Variants in TP63 observed in about 807,000 individuals in gnomAD.
TP63 encodes the protein tumor protein p63.
Under a neutral mutation model 82.8 loss-of-function variants are expected in TP63, and 17 were observed. The observed-to-expected ratio is 0.21, with a 90% CI of 0.14 to 0.31. TP63 has a LOEUF of 0.31. Among genes scored for constraint, TP63 ranks in the 10% least tolerant of loss-of-function variants. The probability of loss-of-function intolerance (pLI) is 1.00; values close to 1 mark genes in which losing one functional copy is unlikely to be tolerated. For missense variants in TP63, 648 were observed against 895.3 expected, an observed-to-expected ratio of 0.72 and a Z score of 3.52; for synonymous variants, 330 against 321.7, an observed-to-expected ratio of 1.03 and a Z score of -0.28.
intron 10 of TP63, among the ~76,000 whole-genome samples, chr3:189,878,809 C>G (rs1217286345): frequency 1.8e-5 from 2 of 113,082 alleles, no homozygotes; most frequent in East Asian, 4.8e-4. Context: ...GAAGAAAAAC[C>G]ATAGAGACGG....
chr3:189,625,120 C>G, the TP63 span, among the ~76,000 whole-genome samples: 8 of 152,114 alleles, frequency 5.3e-5, no homozygotes, highest in African/African-American at 1.7e-4. Flanking sequence ...TCACATTTGT[C>G]TATGTTACAA....
At chr3:189,884,551 C>T (rs1427156852) in intron 10 of TP63, among the ~76,000 whole-genome samples, 4 of 152,150 alleles carry the variant, frequency 2.6e-5, no homozygotes, top group Admixed American at 6.5e-5. Flanking sequence ...CCTGCTATAC[C>T]ATGACCTGCT....
chr3:189,666,029 T>C (rs1342287325), intron 1 of TP63, among the ~76,000 whole-genome samples: 1 of 152,018 alleles, frequency 6.6e-6, no homozygotes, highest in African/African-American at 2.4e-5. Context: ...AATATCTAAC[T>C]GAAAATAAAT....
chr3:189,645,469 A>T (rs1272310217), intron 1 of TP63: 7 of 235,272 alleles, frequency 3.0e-5, no homozygotes, highest in East Asian at 2.3e-4. Flanking sequence ...TCTTTTTTAA[A>T]TTTTTTTTTA....
At chr3:189,691,076 C>G (rs1048686393) in intron 1 of TP63, among the ~76,000 whole-genome samples, 2 of 151,956 alleles carry the variant, frequency 1.3e-5, no homozygotes, top group African/African-American at 4.8e-5. Flanking sequence ...GTGGCTCACA[C>G]CTGTAATCCC....
chr3:189,622,269 G>A, the TP63 span, among the ~76,000 whole-genome samples: 1 of 152,206 alleles, frequency 6.6e-6, no homozygotes, highest in African/African-American at 2.4e-5. Context: ...TGAGGGACAT[G>A]TGCTGGAAAC....
In TP63 at chr3:189,733,360, T is replaced by C. The variant is rs80020321; in HGVS notation, c.63-4380T>C. 7.7e-3 allele frequency among the ~76,000 whole-genome samples: 1,173 copies of C among 152,322 alleles called. 16 individuals carry two copies. Among genetic ancestry groups the C allele is most frequent in the African/African-American group, 0.026 (1,066 of 41,566 alleles). On this transcript the variant is annotated intron_variant, in intron 1 of 13. Transcript: ENST00000264731. ...ATTATTGAAGATGTTGGTCACATTA[T>C]CTATCAGTCTCTTTAGAAACTAAAT...
chr3:189,841,980 T>A lies in TP63; in HGVS notation c.580-22252T>A, dbSNP rs147432639. On this transcript the variant is annotated intron_variant, in intron 4 of 13. Transcript: ENST00000264731. Reference sequence around the variant, plus strand: ...TTTTTGTAGAAGCGTGACTTCTTGATACAACAAAGTAAGAGCTGAGGAAGG... The same window carrying A: ...TTTTTGTAGAAGCGTGACTTCTTGAAACAACAAAGTAAGAGCTGAGGAAGG... Among the ~76,000 whole-genome samples, 285 of 152,236 alleles carry A rather than the reference T, an allele frequency of 1.9e-3. 3 individuals carry two copies. Among genetic ancestry groups the A allele is most frequent in the African/African-American group, 6.6e-3 (276 of 41,534 alleles).
At chr3:189,739,042 C>A in intron 3 of TP63, 1 of 508,380 alleles carries the variant, frequency 2.0e-6, no homozygotes, top group Non-Finnish European at 3.5e-6. Flanking sequence ...ATGTCAACCC[C>A]AATTTAGAAA....
chr3:189,776,290 C>T (rs1200631394), intron 3 of TP63, among the ~76,000 whole-genome samples: 1 of 152,116 alleles, frequency 6.6e-6, no homozygotes, highest in Non-Finnish European at 1.5e-5. Flanking sequence ...GCCCGACATT[C>T]GTTTTCATCC....
chr3:189,826,923 A>T (rs1486509973), intron 4 of TP63, among the ~76,000 whole-genome samples: 3 of 152,244 alleles, frequency 2.0e-5, no homozygotes, highest in Non-Finnish European at 4.4e-5. Flanking sequence ...CATTGAAGAA[A>T]AACAGATATA....
intron 3 of TP63, among the ~76,000 whole-genome samples, chr3:189,763,413 GT>G (rs1722724899): frequency 6.6e-6 from 1 of 152,164 alleles, no homozygotes; most frequent in Non-Finnish European, 1.5e-5. Flanking sequence ...ATTCAGTTAC[GT>G]TTGATGCTTG....
At chr3:189,877,335 AAGACAGCTTTGCAGAAGCCTCTTG>A (rs1449198751) in intron 10 of TP63, among the ~76,000 whole-genome samples, 1 of 152,206 alleles carries the variant, frequency 6.6e-6, no homozygotes, top group African/African-American at 2.4e-5. Flanking sequence ...ATCAACGCTT[AAGACAGCTTTGCAGAAGCCTCTTG>A]AGACCTATTT....
chr3:189,623,596 C>T, the TP63 span, among the ~76,000 whole-genome samples: 2 of 152,136 alleles, frequency 1.3e-5, no homozygotes, highest in African/African-American at 4.8e-5. Context: ...CAACTTGTTA[C>T]CAATGGCCCC....
At chr3:189,634,293 A>T (rs770630697) in intron 1 of TP63, among the ~76,000 whole-genome samples, 12 of 152,076 alleles carry the variant, frequency 7.9e-5, no homozygotes, top group Non-Finnish European at 1.6e-4. Flanking sequence ...AAAGAACAGG[A>T]TATCTTGATA....
chr3:189,788,906 A>C (rs1403785407), intron 3 of TP63, among the ~76,000 whole-genome samples: 1 of 151,654 alleles, frequency 6.6e-6, no homozygotes, highest in Non-Finnish European at 1.5e-5. Context: ...AAAATAGAGA[A>C]AAGAAATATT....
At chr3:189,815,994 G>A (rs1198449658) in intron 4 of TP63, among the ~76,000 whole-genome samples, 1 of 152,042 alleles carries the variant, frequency 6.6e-6, no homozygotes, top group Admixed American at 6.6e-5. Flanking sequence ...ATGCAGGATT[G>A]GATACTTGGA....
At chr3:189,623,682 A>G in the TP63 span, among the ~76,000 whole-genome samples, 1 of 152,206 alleles carries the variant, frequency 6.6e-6, no homozygotes, top group Non-Finnish European at 1.5e-5. Context: ...TATCAAATCA[A>G]TGAGTGCTAT....
chr3:189,844,708 A>T (rs2108750612), intron 4 of TP63, among the ~76,000 whole-genome samples: 1 of 152,342 alleles, frequency 6.6e-6, no homozygotes, highest in African/African-American at 2.4e-5. Flanking sequence ...AGCCCATATA[A>T]CTTCATGTGA....
Sources: gnomAD v4.1 joint callset for allele counts (sites outside exome capture counted in the v4.1 genomes callset) on GRCh38, gnomAD v4.1.1 for gene constraint, MANE v1.5 for transcripts, NCBI Gene and HGNC (gene_info 2026-07-23, HGNC 2026-07-21) for gene names.